Variants in ATXN7 observed in about 807,000 individuals in gnomAD.
ATXN7 encodes the protein ataxin-7.
ATXN7 carries 12 observed loss-of-function variants against 70.5 expected under a neutral mutation model. The ratio of observed to expected loss-of-function variants is 0.17; its 90% confidence interval spans 0.11 to 0.28. The LOEUF is 0.28. Ranked by LOEUF, ATXN7 falls within the 10% of genes least tolerant of loss-of-function variation. The probability of loss-of-function intolerance (pLI) is 1.00; values close to 1 mark genes in which losing one functional copy is unlikely to be tolerated. For synonymous variants in ATXN7, 498 were observed against 448.7 expected (o/e 1.11, Z -1.39); for missense variants, 1,256 against 1,131.7 (o/e 1.11, Z -1.58).
intron 1 of ATXN7, among the ~76,000 whole-genome samples, chr3:63,887,278 G>A (rs1703117682): frequency 6.6e-6 from 1 of 152,090 alleles, no homozygotes; most frequent in African/African-American, 2.4e-5. Context: ...GACTTACACT[G>A]GCTTTGTTTA....
intron 5 of ATXN7, chr3:63,967,933 C>G: frequency 6.5e-7 from 1 of 1,535,946 alleles, no homozygotes; most frequent in South Asian, 1.2e-5. Flanking sequence ...CAAGACGCCT[C>G]TCCAAAGCAG....
chr3:63,998,511 A>G (rs1218707854), intron 12 of ATXN7: 2 of 985,222 alleles, frequency 2.0e-6, no homozygotes, highest in African/African-American at 1.7e-5. Flanking sequence ...ATGTCTTACT[A>G]GAACAACACA....
At chr3:63,979,114 TG>T (rs2075441722) in intron 5 of ATXN7, among the ~76,000 whole-genome samples, 1 of 152,384 alleles carries the variant, frequency 6.6e-6, no homozygotes, top group South Asian at 2.1e-4. Context: ...TATATTAGTA[TG>T]GATTACCTTA....
chr3:63,959,774 A>G (rs944614352), intron 5 of ATXN7, among the ~76,000 whole-genome samples: 3 of 152,110 alleles, frequency 2.0e-5, no homozygotes, highest in African/African-American at 4.8e-5. Context: ...AAATGTACTT[A>G]TTTTTCCTCT....
chr3:63,921,882 C>T (rs1391272274), intron 4 of ATXN7, among the ~76,000 whole-genome samples: 1 of 152,120 alleles, frequency 6.6e-6, no homozygotes, highest in Non-Finnish European at 1.5e-5. Context: ...CACAAGCACG[C>T]CTTTAATCAA....
chr3:63,977,367 C>T (rs2075405364), intron 5 of ATXN7, among the ~76,000 whole-genome samples: 1 of 152,142 alleles, frequency 6.6e-6, no homozygotes, highest in Admixed American at 6.5e-5. Context: ...AAATACATCA[C>T]ACATTTGCTC....
At chr3:63,957,869 C>G (rs1256748940) in intron 5 of ATXN7, among the ~76,000 whole-genome samples, 1 of 152,196 alleles carries the variant, frequency 6.6e-6, no homozygotes, top group Non-Finnish European at 1.5e-5. Flanking sequence ...TCTACTGAGG[C>G]CAGCCTTAGC....
At chr3:63,969,907 A>G (rs540312378) in intron 5 of ATXN7, among the ~76,000 whole-genome samples, 36 of 152,330 alleles carry the variant, frequency 2.4e-4, no homozygotes, top group Admixed American at 4.6e-4. Context: ...TGAGGTATAG[A>G]AACAGTTCAA....
intron 5 of ATXN7, among the ~76,000 whole-genome samples, chr3:63,962,842 A>C (rs980216579): frequency 1.1e-4 from 17 of 152,044 alleles, no homozygotes; most frequent in African/African-American, 4.1e-4. Flanking sequence ...TGCTTAGCCA[A>C]ACAAATTAAG....
intron 1 of ATXN7, among the ~76,000 whole-genome samples, chr3:63,870,745 C>T (rs1381074057): frequency 6.6e-6 from 1 of 152,144 alleles, no homozygotes; most frequent in Non-Finnish European, 1.5e-5. Flanking sequence ...GTAATTAATA[C>T]TGGCCTCTCA....
Position 63,863,943 on chromosome 3 carries a change from G to T in ATXN7, c.-326G>T. ...CCGCCTGCTCCGACGCCTGAGCCGC[G>T]CCGCGCCGCGCCGCCGCCGCCGCCG... On this transcript the variant is annotated 5_prime_UTR_variant, in exon 1 of 13. Transcript: ENST00000674280. The T allele has an allele frequency of 2.2e-5, 3 of 135,234 alleles. No homozygotes were observed. Among genetic ancestry groups the T allele is most frequent in the African/African-American group, 3.2e-5 (1 of 31,284 alleles). 8.4% of individuals were successfully genotyped at this position (135,234 alleles called of 1,614,324 possible).
At chr3:63,877,521 C>T (rs1393447863) in intron 1 of ATXN7, among the ~76,000 whole-genome samples, 1 of 152,242 alleles carries the variant, frequency 6.6e-6, no homozygotes, top group African/African-American at 2.4e-5. Context: ...TGAGAGCTGC[C>T]TGGCCCTTTG....
chr3:63,993,137 C>A (rs560962321), intron 11 of ATXN7, among the ~76,000 whole-genome samples: 1 of 152,290 alleles, frequency 6.6e-6, no homozygotes, highest in Non-Finnish European at 1.5e-5. Flanking sequence ...ACTTTCTCTG[C>A]AGCATGGCCA....
chr3:63,995,361 G>C, intron 11 of ATXN7, 144 bp from the exon 12 acceptor site: 1 of 834,768 alleles, frequency 1.2e-6, no homozygotes, highest in Non-Finnish European at 1.9e-6. Flanking sequence ...AAGGAGAGAG[G>C]TGACAGGATT....
chr3:63,999,440 T>C lies in ATXN7; in HGVS notation c.2662-10T>C. The C allele has an allele frequency of 6.2e-7, 1 of 1,612,484 alleles. No individual in the cohort carries two copies. The highest frequency in any genetic ancestry group is 8.5e-7 in the Non-Finnish European group (1 of 1,178,576). On this transcript the variant is annotated splice_polypyrimidine_tract_variant and intron_variant, in intron 12 of 12. Transcript: ENST00000674280. ...ATTTCATTATTTCCCCACCCCCTCT[T>C]TTTTGAAAGCCAAAGGCACGTCCCT...
chr3:63,909,710 T>C (rs1174820980), intron 2 of ATXN7, among the ~76,000 whole-genome samples: 3 of 152,202 alleles, frequency 2.0e-5, no homozygotes, highest in South Asian at 4.1e-4. Context: ...TATCAGAACA[T>C]TTCTAGGAGT....
In ATXN7 at chr3:63,981,861, C is replaced by A. The variant is rs150503825; in HGVS notation, c.753-325C>A. 5.3e-5 allele frequency among the ~76,000 whole-genome samples: 8 copies of A among 152,280 alleles called. No homozygotes were observed. In the East Asian group the frequency reaches 1.2e-3, roughly 22 times the overall value. The stretch of plus-strand genomic sequence containing the variant: ...GCAAATAGTCTTTGTTTCTTTTAGA[C>A]CTTCTCATGTTTTGCTTCTTATAGA... On this transcript the variant is annotated intron_variant, in intron 6 of 12. Transcript: ENST00000674280.
At chr3:63,863,822 G>GCGC, upstream of ATXN7, 2 of 1,230,918 alleles carry the variant, frequency 1.6e-6, no homozygotes, top group Non-Finnish European at 1.0e-6. Flanking sequence ...GGCGGCGGCG[G>GCGC]CGCAAGCTGA....
In ATXN7 at chr3:64,003,416, G is replaced by T. The variant is rs2075856919; in HGVS notation, c.*3949G>T. ...AAGAAATATATAGTCTATTTGTTTT[G>T]TAACAAGTTTCTGTAAATAAAATAA... is the stretch of plus-strand genomic sequence containing the variant. On this transcript the variant is annotated 3_prime_UTR_variant, in exon 13 of 13. Coordinates refer to ENST00000674280, the MANE Select transcript of ATXN7 (RefSeq NM_001377405.1). 6.6e-6 allele frequency: 1 copy of T among 151,900 alleles called. No homozygotes were observed. The highest frequency in any genetic ancestry group is 6.6e-5 in the Admixed American group (1 of 15,240). The allele number at this position is 151,900 out of a possible 1,614,324, so 9.4% of individuals were successfully genotyped here. A position where few individuals can be genotyped will look rare whatever the true frequency, so the allele number is the denominator to read the frequency against.
Sources: gnomAD v4.1 joint callset for allele counts (sites outside exome capture counted in the v4.1 genomes callset) on GRCh38, gnomAD v4.1.1 for gene constraint, MANE v1.5 for transcripts, NCBI Gene and HGNC (gene_info 2026-07-23, HGNC 2026-07-21) for gene names.